PREX1: variants seen among roughly 807,000 people sequenced by gnomAD.
PREX1 encodes the protein phosphatidylinositol-3,4,5-trisphosphate dependent Rac exchange factor 1, also known as phosphatidylinositol 3,4,5-trisphosphate-dependent Rac exchanger 1 protein.
Under a neutral mutation model 198.3 loss-of-function variants are expected in PREX1, and 41 were observed. The observed-to-expected ratio is 0.21, with a 90% CI of 0.16 to 0.27. The LOEUF (loss-of-function observed/expected upper bound fraction) is 0.27. Among genes scored for constraint, PREX1 ranks in the 10% least tolerant of loss-of-function variants. PREX1 has a pLI of 1.00. For missense variants in PREX1, 1,620 were observed against 2,200.7 expected, an observed-to-expected ratio of 0.74 and a Z score of 5.28; for synonymous variants, 843 against 887.2, an observed-to-expected ratio of 0.95 and a Z score of 0.89.
the PREX1 span, among the ~76,000 whole-genome samples, chr20:48,859,171 G>C: frequency 6.6e-6 from 1 of 152,136 alleles, no homozygotes; most frequent in Non-Finnish European, 1.5e-5. Flanking sequence ...AAAGTGCTAG[G>C]ATTACAGGTG....
At chr20:48,626,019 G>A in intron 39 of PREX1, 92 bp from the exon 40 acceptor site, 1 of 1,335,710 alleles carries the variant, frequency 7.5e-7, no homozygotes, top group Non-Finnish European at 1.0e-6. Flanking sequence ...TGTAATTCAT[G>A]CCCAGAAACC....
At chr20:48,849,621 C>T in the PREX1 span, among the ~76,000 whole-genome samples, 1 of 152,212 alleles carries the variant, frequency 6.6e-6, no homozygotes, top group Non-Finnish European at 1.5e-5. Context: ...AAATATAACT[C>T]ATAGATCTTT....
At chr20:48,883,950 C>T in the PREX1 span, among the ~76,000 whole-genome samples, 1 of 151,998 alleles carries the variant, frequency 6.6e-6, no homozygotes. Context: ...ACCATCCTGG[C>T]TAACACGGTG....
intron 10 of PREX1, among the ~76,000 whole-genome samples, chr20:48,682,295 A>C (rs546596873): frequency 6.6e-6 from 1 of 152,150 alleles, no homozygotes; most frequent in Non-Finnish European, 1.5e-5. Flanking sequence ...TCCTCAGAGA[A>C]GCCTTCCCTG....
rs543438652 is a variant in PREX1 at position 48,735,776 on chromosome 20, G to A, written c.415-1126C>T. On this transcript the variant is annotated intron_variant, in intron 3 of 39. Transcript: ENST00000371941. ...GGAAAAGTTGCTTCCCCAGGGTCTC[G>A]CCGCTAGTGCAGTGGCAGAACCAGG... is the stretch of plus-strand genomic sequence containing the variant. Among the ~76,000 whole-genome samples, 7 of 152,232 alleles carry A rather than the reference G, an allele frequency of 4.6e-5. No homozygotes were observed. In the South Asian group the frequency reaches 1.0e-3, roughly 23 times the overall value.
chr20:48,663,914 A>G (rs2089615414), intron 15 of PREX1, among the ~76,000 whole-genome samples: 1 of 151,930 alleles, frequency 6.6e-6, no homozygotes, highest in South Asian at 2.1e-4. Flanking sequence ...GTGCGCGCAC[A>G]CACACACACA....
rs866884520 is a variant in PREX1, at chr20:48,684,188, C to A, written c.1335-2853G>T. On this transcript the variant is annotated intron_variant, in intron 10 of 39. Transcript: ENST00000371941. This position sits in a 1 kb window ranked among gnomAD's most constrained non-coding sequence, Gnocchi z 4.2. ...CATCTATTTAGCCTACAATGGGCCA[C>A]GGCCAGGGTGAGGCACAAGGAATAC... Among the ~76,000 whole-genome samples, 1 of 152,170 alleles carries A rather than the reference C, an allele frequency of 6.6e-6. No individual in the cohort carries two copies. Among genetic ancestry groups the A allele is most frequent in the South Asian group, 2.1e-4 (1 of 4,832 alleles).
At chr20:48,708,777 C>T (rs6063311) in intron 5 of PREX1, among the ~76,000 whole-genome samples, 9,351 of 151,976 alleles carry the variant, frequency 0.062, 361 homozygotes, top group East Asian at 0.13. Context: ...CACCGTGGTG[C>T]GAAGGGTCTG....
intron 21 of PREX1, 56 bp from the exon 22 acceptor site, chr20:48,651,639 A>G: frequency 6.5e-7 from 1 of 1,538,580 alleles, no homozygotes; most frequent in Non-Finnish European, 8.8e-7. Context: ...GAGGAAGGCG[A>G]GGCGAGGAGG....
intron 11 of PREX1, among the ~76,000 whole-genome samples, chr20:48,680,141 C>A (rs1358736256): frequency 1.3e-5 from 2 of 152,192 alleles, no homozygotes; most frequent in African/African-American, 4.8e-5. Flanking sequence ...CATGCTGGGG[C>A]CTGAGACCAC....
At chr20:48,711,007 T>G (rs1346640331) in intron 5 of PREX1, among the ~76,000 whole-genome samples, 3 of 152,212 alleles carry the variant, frequency 2.0e-5, no homozygotes, top group African/African-American at 7.2e-5. Flanking sequence ...GATGGGGGTA[T>G]GAGCAGAGGC....
intron 29 of PREX1, among the ~76,000 whole-genome samples, chr20:48,640,869 AGATG>A (rs1279647617): frequency 1.2e-5 from 1 of 80,230 alleles, no homozygotes; most frequent in Non-Finnish European, 2.3e-5. Flanking sequence ...GTAGGTGGGT[AGATG>A]GATGGATGGG....
upstream of PREX1, among the ~76,000 whole-genome samples, chr20:48,830,019 G>A (rs6095319): frequency 0.28 from 41,887 of 151,918 alleles, 6,203 homozygotes; most frequent in Non-Finnish European, 0.33. Flanking sequence ...ATTTAGCCGC[G>A]TCCCCTACCC....
In PREX1 at chr20:48,823,448, G is replaced by A. The variant is rs541341019; in HGVS notation, c.219+4194C>T. On this transcript the variant is annotated intron_variant, in intron 1 of 39. Coordinates refer to ENST00000371941, the MANE Select transcript of PREX1 (RefSeq NM_020820.4). ...GTGACGCAGGTGCTACACTGTGCCC[G>A]TTGGACAGATGTGGAAACTGAGGCA... Among the ~76,000 whole-genome samples, 173 of 152,196 alleles carry A rather than the reference G, an allele frequency of 1.1e-3. 1 individual carries two copies. The highest frequency in any genetic ancestry group is 1.7e-3 in the Non-Finnish European group (114 of 68,040).
chr20:48,631,473 G>T (rs2089313981), intron 35 of PREX1, among the ~76,000 whole-genome samples: 3 of 152,302 alleles, frequency 2.0e-5, no homozygotes, highest in Non-Finnish European at 4.4e-5. Context: ...GCCTCAACAT[G>T]TGTGAATGAA....
At chr20:48,860,366 G>C in the PREX1 span, among the ~76,000 whole-genome samples, 2 of 152,182 alleles carry the variant, frequency 1.3e-5, no homozygotes, top group Non-Finnish European at 2.9e-5. Context: ...GTTGCCAGGG[G>C]CAGAAGGGCA....
chr20:48,663,351 G>A (rs558589072), intron 15 of PREX1, among the ~76,000 whole-genome samples: 2 of 152,214 alleles, frequency 1.3e-5, no homozygotes, highest in Non-Finnish European at 2.9e-5. Context: ...AATCCAGCAG[G>A]CCGACCAGGG....
At chr20:48,777,311 C>G (rs1264734839) in intron 1 of PREX1, among the ~76,000 whole-genome samples, 3 of 152,154 alleles carry the variant, frequency 2.0e-5, no homozygotes, top group Non-Finnish European at 4.4e-5. Context: ...CCCAGGAGCC[C>G]CCGGCCACAC....
At chr20:48,781,843 C>A (rs781765259) in intron 1 of PREX1, among the ~76,000 whole-genome samples, 3 of 152,184 alleles carry the variant, frequency 2.0e-5, no homozygotes, top group Non-Finnish European at 4.4e-5. Flanking sequence ...CCAGTCACCT[C>A]CTATTAGGCC....
Sources: allele counts gnomAD v4.1 joint callset (sites outside exome capture counted in the v4.1 genomes callset), GRCh38; gene constraint gnomAD v4.1.1; non-coding constraint Gnocchi (gnomAD v3.1); transcripts MANE v1.5; gene names NCBI Gene and HGNC (gene_info 2026-07-23, HGNC 2026-07-21).